EPB41L4A: variants seen among roughly 807,000 people sequenced by gnomAD.
The protein encoded by EPB41L4A is erythrocyte membrane protein band 4.1 like 4A, also known as band 4.1-like protein 4A.
Under a neutral mutation model 108.6 loss-of-function variants are expected in EPB41L4A, and 100 were observed. That is an observed-to-expected ratio of 0.92 (90% CI 0.78 to 1.09). The LOEUF (loss-of-function observed/expected upper bound fraction) is 1.09, where lower values mean the gene tolerates loss of function less well. EPB41L4A is among the 50% of genes least tolerant of loss of function. The pLI is 0.00. For missense variants in EPB41L4A, 1,030 were observed against 842.7 expected, an observed-to-expected ratio of 1.22 and a Z score of -2.75; for synonymous variants, 319 against 289.0, an observed-to-expected ratio of 1.10 and a Z score of -1.05.
At chr5:112,327,654 G>C (rs1158483959) in intron 1 of EPB41L4A, among the ~76,000 whole-genome samples, 1 of 152,092 alleles carries the variant, frequency 6.6e-6, no homozygotes, top group Non-Finnish European at 1.5e-5. Context: ...AGAGTTTGAG[G>C]CTGCAGTGAG....
At chr5:112,234,212 TAAATAAAATA>T (rs1024709734) in intron 12 of EPB41L4A, among the ~76,000 whole-genome samples, 2 of 134,966 alleles carry the variant, frequency 1.5e-5, no homozygotes, top group African/African-American at 2.6e-5. Context: ...AAATAAAATA[TAAATAAAATA>T]AAATAAAATA....
rs542567728 is a variant in EPB41L4A, at chr5:112,162,636, A to G, written c.*2354T>C. ...AAATAATGTATAGAGGTATTCAAAAAATTTATTGAAAGCACTGTACTAGGA... is the reference window on the plus strand; with the variant it reads ...AAATAATGTATAGAGGTATTCAAAAGATTTATTGAAAGCACTGTACTAGGA... On this transcript the variant is annotated 3_prime_UTR_variant, in exon 23 of 23. Transcript: ENST00000261486. 12 of 152,344 alleles carry G rather than the reference A, an allele frequency of 7.9e-5. No individual in the cohort carries two copies. Among genetic ancestry groups the G allele is most frequent in the African/African-American group, 2.9e-4 (12 of 41,564 alleles). The allele number at this position is 152,344 out of a possible 1,614,324, so 9.4% of individuals were successfully genotyped here.
chr5:112,382,728 T>C (rs956040857), intron 1 of EPB41L4A, among the ~76,000 whole-genome samples: 6 of 151,970 alleles, frequency 3.9e-5, no homozygotes, highest in South Asian at 2.1e-4. Flanking sequence ...GAAGGGGAAT[T>C]AGGGAGCAGC....
chr5:112,355,598 T>A (rs75767489), intron 1 of EPB41L4A, among the ~76,000 whole-genome samples: 2,515 of 152,240 alleles, frequency 0.017, 75 homozygotes, highest in African/African-American at 0.057. Flanking sequence ...ACTAAGAATG[T>A]GGAAAACAAT....
intron 1 of EPB41L4A, among the ~76,000 whole-genome samples, chr5:112,328,796 C>A (rs1416011820): frequency 6.6e-6 from 1 of 152,188 alleles, no homozygotes; most frequent in East Asian, 1.9e-4. Context: ...TTAGTTGATA[C>A]ATTAGAATGA....
chr5:112,380,942 G>A (rs1433834807), intron 1 of EPB41L4A, among the ~76,000 whole-genome samples: 2 of 152,024 alleles, frequency 1.3e-5, no homozygotes. Flanking sequence ...TTGCAGGCCA[G>A]TATATGTCAA....
chr5:112,338,611 A>C (rs2150688958), intron 1 of EPB41L4A, among the ~76,000 whole-genome samples: 1 of 152,160 alleles, frequency 6.6e-6, no homozygotes, highest in South Asian at 2.1e-4. Flanking sequence ...CCCCGCCACC[A>C]CACACAAAAA....
intron 1 of EPB41L4A, among the ~76,000 whole-genome samples, chr5:112,374,871 C>A (rs1759712732): frequency 6.6e-6 from 1 of 152,202 alleles, no homozygotes; most frequent in African/African-American, 2.4e-5. Context: ...CCCACCATCA[C>A]CTAGAATGGA....
At chr5:112,313,641 A>G (rs1444792936) in intron 1 of EPB41L4A, among the ~76,000 whole-genome samples, 3 of 152,124 alleles carry the variant, frequency 2.0e-5, no homozygotes, top group East Asian at 1.9e-4. Context: ...AGGCACACAT[A>G]TAACTTGCAA....
intron 12 of EPB41L4A, among the ~76,000 whole-genome samples, chr5:112,218,547 G>C (rs989577036): frequency 6.6e-6 from 1 of 152,170 alleles, no homozygotes; most frequent in Non-Finnish European, 1.5e-5. Context: ...ATGCTTGCTT[G>C]GTCTAGGGCA....
chr5:112,279,372 A>G (rs1028264383), intron 3 of EPB41L4A, among the ~76,000 whole-genome samples: 2 of 152,164 alleles, frequency 1.3e-5, no homozygotes, highest in Non-Finnish European at 2.9e-5. Flanking sequence ...GAAAATACAG[A>G]CTCAGAATGG....
At chr5:112,367,998 A>C (rs1413596620) in intron 1 of EPB41L4A, among the ~76,000 whole-genome samples, 1 of 152,256 alleles carries the variant, frequency 6.6e-6, no homozygotes, top group African/African-American at 2.4e-5. Context: ...TTTTATAAAA[A>C]GAAGGTGATC....
chr5:112,419,395 G>A (rs1333563782), upstream of EPB41L4A: 10 of 360,008 alleles, frequency 2.8e-5, no homozygotes, highest in African/African-American at 8.7e-5. Flanking sequence ...GGCACTGGGG[G>A]CAAGAGACCA....
intron 15 of EPB41L4A, among the ~76,000 whole-genome samples, chr5:112,201,544 CAT>C: frequency 6.6e-6 from 1 of 152,300 alleles, no homozygotes; most frequent in Admixed American, 6.5e-5. Context: ...ATCTGCTCAA[CAT>C]GTGTAATTAT....
At chr5:112,188,435 C>A (rs1171184281) in intron 17 of EPB41L4A, among the ~76,000 whole-genome samples, 1 of 152,168 alleles carries the variant, frequency 6.6e-6, no homozygotes, top group East Asian at 1.9e-4. Context: ...GGCGCAATTT[C>A]CCTTTCAAAC....
chr5:112,265,273 A>G (rs934056024), intron 5 of EPB41L4A, among the ~76,000 whole-genome samples: 9 of 152,232 alleles, frequency 5.9e-5, no homozygotes, highest in African/African-American at 2.2e-4. Flanking sequence ...TTTTACTTCA[A>G]TTACTCTTAA....
At chr5:112,350,065 T>C (rs563754442) in intron 1 of EPB41L4A, among the ~76,000 whole-genome samples, 11 of 152,346 alleles carry the variant, frequency 7.2e-5, no homozygotes, top group African/African-American at 2.2e-4. Flanking sequence ...TGCAGTCCAA[T>C]AGAGCAGCCG....
chr5:112,182,457 AT>A (rs1761205979), intron 18 of EPB41L4A, among the ~76,000 whole-genome samples: 1 of 152,218 alleles, frequency 6.6e-6, no homozygotes. Flanking sequence ...GCCTCCAGGA[AT>A]GTTTTTTGAC....
At chr5:112,300,010 C>T (rs1754249107) in intron 2 of EPB41L4A, among the ~76,000 whole-genome samples, 1 of 152,066 alleles carries the variant, frequency 6.6e-6, no homozygotes, top group South Asian at 2.1e-4. Flanking sequence ...CTTTTTCCAT[C>T]CCTTTATCTC....
Sources: gnomAD v4.1 joint callset for allele counts (sites outside exome capture counted in the v4.1 genomes callset) on GRCh38, gnomAD v4.1.1 for gene constraint, MANE v1.5 for transcripts, NCBI Gene and HGNC (gene_info 2026-07-23, HGNC 2026-07-21) for gene names.